LONP2: variants seen among roughly 807,000 people sequenced by gnomAD.
The protein encoded by LONP2 is lon protease homolog 2, peroxisomal.
LONP2 carries 60 observed loss-of-function variants against 85.6 expected under a neutral mutation model. That is an observed-to-expected ratio of 0.70 (90% CI 0.57 to 0.87). The LOEUF is 0.87. LONP2 is among the 40% of genes least tolerant of loss of function. LONP2 has a pLI of 0.00. For missense variants in LONP2, 860 were observed against 1,063.5 expected (o/e 0.81, Z 2.66); for synonymous variants, 395 against 389.7 (o/e 1.01, Z -0.16).
downstream of LONP2, chr16:48,362,344 T>C (rs1420554534): frequency 6.2e-7 from 1 of 1,614,206 alleles, no homozygotes; most frequent in South Asian, 1.1e-5. The surrounding 1 kb of genome is among the most constrained non-coding windows in gnomAD (Gnocchi z 4.2). Flanking sequence ...TTGGATGCAG[T>C]TGTGCCAGTC....
intron 14 of LONP2, among the ~76,000 whole-genome samples, chr16:48,349,562 T>C (rs903602832): frequency 6.6e-6 from 1 of 152,054 alleles, no homozygotes; most frequent in Non-Finnish European, 1.5e-5. Flanking sequence ...CGGCCTGGGG[T>C]ACACCTTCAG....
rs538978536 is a variant in LONP2 at position 48,275,975 on chromosome 16, G to A, written c.1242-1363G>A. On this transcript the variant is annotated intron_variant, in intron 7 of 14. Transcript: ENST00000285737. ...AAGTTTACTCATCAAAAAAGGAAAG[G>A]CAAATAAATAACTGCAGCAAAAAAT... is the stretch of plus-strand genomic sequence containing the variant. Among the ~76,000 whole-genome samples, 4 of 152,106 alleles carry A rather than the reference G, an allele frequency of 2.6e-5. No individual in the cohort carries two copies. In the East Asian group the frequency reaches 7.7e-4, roughly 29 times the overall value.
chr16:48,247,177 T>A (rs1337748897), intron 1 of LONP2: 1 of 152,294 alleles, frequency 6.6e-6, no homozygotes, highest in African/African-American at 2.4e-5. Flanking sequence ...TAGTTTCCAA[T>A]GTCTTTTTTT....
intron 7 of LONP2, among the ~76,000 whole-genome samples, chr16:48,270,965 T>C (rs1972091069): frequency 1.3e-5 from 2 of 152,092 alleles, no homozygotes; most frequent in Non-Finnish European, 2.9e-5. Flanking sequence ...CTTTTGTCTC[T>C]ACAAAATTTA....
At chr16:48,252,105 A>G (rs1255889364) in intron 1 of LONP2, 26 bp from the exon 2 acceptor site, 1 of 1,511,010 alleles carries the variant, frequency 6.6e-7, no homozygotes, top group East Asian at 2.3e-5. Context: ...AATGTTTGTA[A>G]TACCGATGTT....
At chr16:48,253,867 A>G (rs146426432) in intron 2 of LONP2, among the ~76,000 whole-genome samples, 4 of 152,216 alleles carry the variant, frequency 2.6e-5, no homozygotes, top group Admixed American at 6.5e-5. Context: ...ATATTCAATT[A>G]TATGTTTTGT....
At chr16:48,253,236 G>C (rs1971690731) in intron 2 of LONP2, among the ~76,000 whole-genome samples, 1 of 152,180 alleles carries the variant, frequency 6.6e-6, no homozygotes, top group African/African-American at 2.4e-5. Flanking sequence ...TTGGGAGGCT[G>C]AGGTGGGTGG....
chr16:48,275,262 G>A (rs1231228008), intron 7 of LONP2, among the ~76,000 whole-genome samples: 15 of 152,254 alleles, frequency 9.9e-5, no homozygotes, highest in African/African-American at 3.6e-4. Flanking sequence ...AGGAAACTGA[G>A]GCTTAGGTCA....
rs1438033828 is a variant in LONP2, at chr16:48,355,011, TA to T, written c.*3211del. On this transcript the variant is annotated 3_prime_UTR_variant, in exon 15 of 15. Transcript: ENST00000285737. ...AGTACCAGAAATTTTTATGGCCAAA[TA>T]ATACACCACTATATCCATAGACCGC... 1 of 152,212 alleles carries T rather than the reference TA, an allele frequency of 6.6e-6. No individual in the cohort carries two copies. Among genetic ancestry groups the T allele is most frequent in the African/African-American group, 2.4e-5 (1 of 41,472 alleles). The allele number at this position is 152,212 out of a possible 1,614,324, so 9.4% of individuals were successfully genotyped here.
Position 48,321,596 on chromosome 16 carries a change from C to G in LONP2, c.1796-12620C>G, listed in dbSNP as rs914494717. ...CATCATAGAGTGTACTTACACAAAC[C>G]TAGATGGTATAGCTTTCTACACACC... On this transcript the variant is annotated intron_variant, in intron 11 of 14. Transcript: ENST00000285737. Among the ~76,000 whole-genome samples the G allele has an allele frequency of 3.3e-5, 5 of 152,142 alleles. No homozygotes were observed. In the East Asian group the frequency reaches 7.7e-4, roughly 23 times the overall value.
intron 7 of LONP2, among the ~76,000 whole-genome samples, chr16:48,273,156 A>G (rs1343219617): frequency 1.3e-5 from 2 of 152,182 alleles, no homozygotes; most frequent in Non-Finnish European, 2.9e-5. Flanking sequence ...AGAATAGCCA[A>G]GGAAAAAGAA....
At chr16:48,291,985 G>C (rs1184096563) in intron 8 of LONP2, among the ~76,000 whole-genome samples, 1 of 152,110 alleles carries the variant, frequency 6.6e-6, no homozygotes, top group East Asian at 1.9e-4. Flanking sequence ...AAGGGGAATG[G>C]GCAGATATTG....
At chr16:48,362,051 A>G (rs769636694), downstream of LONP2, 4 of 1,614,250 alleles carry the variant, frequency 2.5e-6, no homozygotes, top group Admixed American at 1.7e-5. This position sits in a 1 kb window ranked among gnomAD's most constrained non-coding sequence, Gnocchi z 4.2. Flanking sequence ...ACGGACAGGA[A>G]TAAGGCCTAA....
intron 11 of LONP2, among the ~76,000 whole-genome samples, chr16:48,322,718 AT>A (rs1973292684): frequency 6.6e-6 from 1 of 152,218 alleles, no homozygotes. Context: ...CTAAAAATAT[AT>A]ATAAGAATAA....
At chr16:48,358,132 G>C (rs1960443312), downstream of LONP2, among the ~76,000 whole-genome samples, 1 of 152,110 alleles carries the variant, frequency 6.6e-6, no homozygotes, top group African/African-American at 2.4e-5. Context: ...TATAGGCTAA[G>C]AATATGAAGA....
In LONP2 at chr16:48,347,610, G is replaced by A; in HGVS notation, c.2042G>A (p.Gly681Asp). ...FVEASRMDGE[G>D]QLTLTGQLGD... is the part of the protein sequence containing the mutation. Reference sequence around the variant, plus strand: ...GAGGCGAGTCGAATGGATGGCGAGGGCCAGTTAACTCTGACCGGCCAGCTC... The same window carrying A: ...GAGGCGAGTCGAATGGATGGCGAGGACCAGTTAACTCTGACCGGCCAGCTC... The change falls in exon 13 of 15, where the codon GGC becomes GAC. Residue 681 changes from glycine (G) to aspartate (D), a missense_variant. By Grantham distance (94) the Gly-to-Asp change is moderately conservative. Transcript: ENST00000285737. 1 of 1,614,248 alleles carries A rather than the reference G, an allele frequency of 6.2e-7. No homozygotes were observed. Among genetic ancestry groups the A allele is most frequent in the Non-Finnish European group, 8.5e-7 (1 of 1,180,044 alleles).
At chr16:48,315,082 G>T (rs1973113771) in intron 11 of LONP2, among the ~76,000 whole-genome samples, 1 of 152,182 alleles carries the variant, frequency 6.6e-6, no homozygotes, top group Non-Finnish European at 1.5e-5. Context: ...AGCCTATGAA[G>T]AAATTACCAA....
At chr16:48,361,953 T>C, downstream of LONP2, 1 of 1,614,120 alleles carries the variant, frequency 6.2e-7, no homozygotes, top group South Asian at 1.1e-5. Context: ...ATCCTCTCCC[T>C]GTAGGGTTGT....
At chr16:48,258,028 G>A (rs963756172) in intron 3 of LONP2, among the ~76,000 whole-genome samples, 1 of 152,204 alleles carries the variant, frequency 6.6e-6, no homozygotes, top group Non-Finnish European at 1.5e-5. Flanking sequence ...GACGTCAACT[G>A]TGTGTCTGGT....
Sources: allele counts gnomAD v4.1 joint callset (sites outside exome capture counted in the v4.1 genomes callset), GRCh38; gene constraint gnomAD v4.1.1; non-coding constraint Gnocchi (gnomAD v3.1); transcripts MANE v1.5; gene names NCBI Gene and HGNC (gene_info 2026-07-23, HGNC 2026-07-21).